NFASC: variants seen among roughly 807,000 people sequenced by gnomAD.
NFASC encodes neurofascin.
NFASC carries 43 observed loss-of-function variants against 147.5 expected under a neutral mutation model. That is an observed-to-expected ratio of 0.29 (90% confidence interval 0.23 to 0.38). NFASC has a LOEUF of 0.38. Among genes scored for constraint, NFASC ranks in the 10% least tolerant of loss-of-function variants. The pLI is 1.00. For missense variants in NFASC, 1,320 were observed against 1,689.0 expected, an observed-to-expected ratio of 0.78 and a Z score of 3.83; for synonymous variants, 622 against 665.5, an observed-to-expected ratio of 0.93 and a Z score of 1.01.
intron 24 of NFASC, among the ~76,000 whole-genome samples, chr1:204,994,946 C>G (rs1347128729): frequency 2.6e-5 from 4 of 152,150 alleles, no homozygotes; most frequent in African/African-American, 9.7e-5. Context: ...AACCCCATCT[C>G]TACAAGAAAT....
chr1:204,890,534 ATGCC>A (rs986951690), intron 1 of NFASC, among the ~76,000 whole-genome samples: 2 of 151,834 alleles, frequency 1.3e-5, no homozygotes, highest in African/African-American at 4.8e-5. Flanking sequence ...GAGAAAAAGG[ATGCC>A]TGGTGTCTTT....
intron 23 of NFASC, 159 bp downstream of exon 23, chr1:204,988,965 G>A (rs2095666961): frequency 1.5e-6 from 1 of 668,276 alleles, no homozygotes; most frequent in Non-Finnish European, 2.6e-6. Flanking sequence ...ATGTGTGAGA[G>A]GTAGGTGCTG....
chr1:204,994,390 G>T (rs1449022802), intron 24 of NFASC, among the ~76,000 whole-genome samples: 1 of 152,196 alleles, frequency 6.6e-6, no homozygotes, highest in African/African-American at 2.4e-5. Context: ...CTGTCACCTG[G>T]GCTCTCTTGA....
chr1:204,939,060 GTGTGTGTGT>G, intron 2 of NFASC, among the ~76,000 whole-genome samples: 1 of 151,346 alleles, frequency 6.6e-6, no homozygotes, highest in East Asian at 1.9e-4. Context: ...GTGTGTGTGT[GTGTGTGTGT>G]GTGTGTGTGT....
chr1:205,012,279 A>G (rs770032740), intron 28 of NFASC, among the ~76,000 whole-genome samples: 9 of 152,176 alleles, frequency 5.9e-5, no homozygotes, highest in Admixed American at 5.9e-4. Context: ...CAGAGAAGAG[A>G]CACTTTCCAT....
intron 25 of NFASC, chr1:204,999,593 G>T (rs1242963922): frequency 6.6e-6 from 1 of 152,184 alleles, no homozygotes; most frequent in Admixed American, 6.5e-5. Flanking sequence ...GAAGCGTCTG[G>T]CAGACAGGCA....
chr1:204,947,301 T>TC (rs1259466018), intron 3 of NFASC: 1 of 170,944 alleles, frequency 5.8e-6, no homozygotes, highest in African/African-American at 2.4e-5. Context: ...GGTCTCTCCA[T>TC]CTCACTGGGC....
At chr1:204,891,470 C>T (rs1453284696) in intron 1 of NFASC, among the ~76,000 whole-genome samples, 1 of 152,160 alleles carries the variant, frequency 6.6e-6, no homozygotes, top group African/African-American at 2.4e-5. Context: ...TATCTCACCC[C>T]TCATTGTCAA....
rs76968461 is a variant in NFASC at position 205,004,699 on chromosome 1, G to A, written c.3289+1951G>A. Among the ~76,000 whole-genome samples, 1,110 of 152,344 alleles carry A rather than the reference G, an allele frequency of 7.3e-3. 9 individuals are homozygous for A. Among genetic ancestry groups the A allele is most frequent in the African/African-American group, 0.025 (1,042 of 41,568 alleles). On this transcript the variant is annotated intron_variant, in intron 27 of 29. Coordinates refer to ENST00000339876, the MANE Select transcript of NFASC (RefSeq NM_001005388.3). ...AAGTCCATGCAATCCACAGATCTCTGTGTTTCATTAAAGCAAGAACTCGTG... is the reference window on the plus strand; with the variant it reads ...AAGTCCATGCAATCCACAGATCTCTATGTTTCATTAAAGCAAGAACTCGTG...
At chr1:204,874,870 G>A (rs1466720133) in intron 1 of NFASC, among the ~76,000 whole-genome samples, 2 of 152,170 alleles carry the variant, frequency 1.3e-5, no homozygotes, top group Non-Finnish European at 2.9e-5. Flanking sequence ...AGAGGGGTGG[G>A]TGGTGGGGGC....
In NFASC at chr1:204,944,373, A is replaced by T; in HGVS notation, c.58A>T (p.Ser20Cys). The change falls in exon 3 of 30, where the codon AGT becomes TGT. Residue 20 changes from serine (S) to cysteine (C), a missense_variant. Physicochemically the swap from Ser to Cys is moderately radical, Grantham distance 112. This residue lies in a region of NFASC where 981 missense variants were observed against 1,289.5 expected (regional missense o/e 0.76). Coordinates refer to ENST00000339876, the MANE Select transcript of NFASC (RefSeq NM_001005388.3). ...TGCAGCCTTCCTCCTCTGCCTCCTC[A>T]GTCTTGGCGGAGCCATCGAAATTCC... ...VHAAFLLCLL[S>C]LGGAIEIPMD... 1 of 1,544,196 alleles carries T rather than the reference A, an allele frequency of 6.5e-7. No individual in the cohort carries two copies. Among genetic ancestry groups the T allele is most frequent in the Admixed American group, 1.7e-5 (1 of 57,272 alleles).
chr1:204,952,172 T>A, intron 5 of NFASC, 56 bp downstream of exon 5: 1 of 1,361,558 alleles, frequency 7.3e-7, no homozygotes, highest in Non-Finnish European at 1.0e-6. Context: ...CTGGGCCTGA[T>A]GATAACTAAG....
rs760132412 is a variant in NFASC, at chr1:205,009,707, G to T, written c.3421+19G>T. 3.1e-6 allele frequency: 5 copies of T among 1,611,440 alleles called. No individual in the cohort carries two copies. Among genetic ancestry groups the T allele is most frequent in the Non-Finnish European group, 4.2e-6 (5 of 1,178,760 alleles). On this transcript the variant is annotated intron_variant, in intron 28 of 29. Coordinates refer to ENST00000339876, the MANE Select transcript of NFASC (RefSeq NM_001005388.3). ...TACCCAGGTGAGATGTGCAAGAGGC[G>T]TGGGCTTGCAGGGTGGGGCACGTCC... is the stretch of plus-strand genomic sequence containing the variant.
intron 29 of NFASC, among the ~76,000 whole-genome samples, chr1:205,014,927 G>A (rs1014945300): frequency 3.9e-5 from 6 of 152,090 alleles, no homozygotes; most frequent in East Asian, 1.9e-4. Flanking sequence ...AGTGACTTCC[G>A]CTTCCTGCAC....
chr1:205,001,298 T>A lies in NFASC; in HGVS notation c.3136+12T>A. On this transcript the variant is annotated intron_variant, in intron 26 of 29. Coordinates refer to ENST00000339876, the MANE Select transcript of NFASC (RefSeq NM_001005388.3). ...TGAGTACATCGACAGTAAGCATTGC[T>A]GTGCGGGGTGGTGGTGGCGGCAGCG... 6.4e-7 allele frequency: 1 copy of A among 1,570,884 alleles called. No individual in the cohort carries two copies. The highest frequency in any genetic ancestry group is 1.1e-5 in the South Asian group (1 of 88,896).
In NFASC at chr1:204,968,721, G is replaced by T; in HGVS notation, c.819-77G>T. 1 of 1,372,334 alleles carries T rather than the reference G, an allele frequency of 7.3e-7. No homozygotes were observed. Among genetic ancestry groups the T allele is most frequent in the Non-Finnish European group, 9.9e-7 (1 of 1,007,700 alleles). 85.0% of individuals were successfully genotyped at this position (1,372,334 alleles called of 1,614,324 possible). On this transcript the variant is annotated intron_variant, in intron 9 of 29. Coordinates refer to ENST00000339876, the MANE Select transcript of NFASC (RefSeq NM_001005388.3). The surrounding 1 kb of genome is among the most constrained non-coding windows in gnomAD (Gnocchi z 5.4). Reference sequence around the variant, plus strand: ...GCCCAAGTATACTTTTAGGCCACCTGGGTGTCCCCAGCTGTATAGAAGAGG... The same window carrying T: ...GCCCAAGTATACTTTTAGGCCACCTTGGTGTCCCCAGCTGTATAGAAGAGG...
At position 205,016,005 on chromosome 1, in the gene NFASC, T is replaced by A. The variant is rs1170427345; in HGVS notation, c.3492-303T>A. On this transcript the variant is annotated intron_variant, in intron 29 of 29. Transcript: ENST00000339876. The surrounding 1 kb of genome is among the most constrained non-coding windows in gnomAD (Gnocchi z 5.1). ...GCCTCACCATGGGGTGGCCATCCTC[T>A]GTCCACTTCCACCACACACAGGGAC... 6.6e-6 allele frequency among the ~76,000 whole-genome samples: 1 copy of A among 152,106 alleles called. No homozygotes were observed. The highest frequency in any genetic ancestry group is 2.4e-5 in the African/African-American group (1 of 41,432).
chr1:204,956,473 A>G (rs949780988), intron 7 of NFASC, among the ~76,000 whole-genome samples: 2 of 152,190 alleles, frequency 1.3e-5, no homozygotes, highest in East Asian at 3.8e-4. Context: ...TTCTCCTGGT[A>G]TAAGATATGC....
At chr1:204,891,206 C>G (rs1344623216) in intron 1 of NFASC, among the ~76,000 whole-genome samples, 1 of 152,092 alleles carries the variant, frequency 6.6e-6, no homozygotes, top group Non-Finnish European at 1.5e-5. Context: ...AGTGCAATCC[C>G]AGAGAACAGA....
Sources: gnomAD v4.1 joint callset for allele counts (sites outside exome capture counted in the v4.1 genomes callset) on GRCh38, gnomAD v4.1.1 for gene constraint, gnomAD v4.1.1 regional missense constraint, Gnocchi (gnomAD v3.1) non-coding constraint, MANE v1.5 for transcripts, NCBI Gene and HGNC (gene_info 2026-07-23, HGNC 2026-07-21) for gene names.